Variants in SLC17A3 observed in about 807,000 individuals in gnomAD.
SLC17A3 encodes solute carrier family 17 member 3.
In SLC17A3, 61 loss-of-function variants were observed where a neutral mutation model predicts 60.3. The observed-to-expected ratio is 1.01, with a 90% CI of 0.82 to 1.25. SLC17A3 has a LOEUF of 1.25. Ranked by LOEUF, SLC17A3 falls within the 50% of genes most tolerant of loss-of-function variation. The probability of loss-of-function intolerance (pLI) is 0.00; values close to 1 mark genes in which losing one functional copy is unlikely to be tolerated. For synonymous variants in SLC17A3, 192 were observed against 208.9 expected (o/e 0.92, Z 0.70); for missense variants, 624 against 594.9 (o/e 1.05, Z -0.51).
chr6:25,867,118 C>CA (rs1765548971), intron 2 of SLC17A3, among the ~76,000 whole-genome samples: 2 of 151,964 alleles, frequency 1.3e-5, no homozygotes, highest in South Asian at 4.1e-4. Flanking sequence ...AAACACTTTG[C>CA]AATCCTTGAT....
In SLC17A3 at chr6:25,850,433, A is replaced by G. The variant is rs749074052; in HGVS notation, c.993+26T>C. On this transcript the variant is annotated intron_variant, in intron 8 of 12. Transcript: ENST00000397060. ...AATTGGTCAGCCATGCAAGCAGGAGAAAGGAAGGGAAGGAAACATACTCAC... is the reference window on the plus strand; with the variant it reads ...AATTGGTCAGCCATGCAAGCAGGAGGAAGGAAGGGAAGGAAACATACTCAC... The G allele has an allele frequency of 3.7e-6, 6 of 1,611,098 alleles. 1 individual carries two copies. The South Asian group carries it at 6.6e-5, about 18-fold the overall frequency.
At chr6:25,851,767 G>A (rs1422133648) in intron 6 of SLC17A3, among the ~76,000 whole-genome samples, 1 of 152,018 alleles carries the variant, frequency 6.6e-6, no homozygotes, top group African/African-American at 2.4e-5. Flanking sequence ...CAATGTTTAT[G>A]TCAATACCAC....
At chr6:25,865,992 C>G (rs1765528032) in intron 2 of SLC17A3, among the ~76,000 whole-genome samples, 1 of 151,940 alleles carries the variant, frequency 6.6e-6, no homozygotes. Context: ...ATCCAGAAAG[C>G]TTATTTCTTA....
chr6:25,868,239 G>A (rs941738785), intron 2 of SLC17A3, 58 bp downstream of exon 2: 75 of 1,209,606 alleles, frequency 6.2e-5, no homozygotes, highest in Non-Finnish European at 8.7e-5. Flanking sequence ...ATAGTAATAC[G>A]TTGACAAAAA....
At chr6:25,868,670 T>C (rs1765580216) in intron 1 of SLC17A3, among the ~76,000 whole-genome samples, 1 of 151,934 alleles carries the variant, frequency 6.6e-6, no homozygotes, top group South Asian at 2.1e-4. Flanking sequence ...GAGTTAAGCA[T>C]TCCCAAGTTC....
chr6:25,852,964 T>G (rs966794392), intron 6 of SLC17A3, among the ~76,000 whole-genome samples: 1 of 152,208 alleles, frequency 6.6e-6, no homozygotes, highest in South Asian at 2.1e-4. Flanking sequence ...TATGATTAAA[T>G]TATGTGGAAA....
At chr6:25,846,756 A>G (rs1765181127) in intron 11 of SLC17A3, among the ~76,000 whole-genome samples, 1 of 151,980 alleles carries the variant, frequency 6.6e-6, no homozygotes, top group Non-Finnish European at 1.5e-5. Context: ...GACTACAGGT[A>G]TGCACCACCA....
intron 2 of SLC17A3, among the ~76,000 whole-genome samples, 176 bp from the exon 3 acceptor site, chr6:25,862,620 A>C (rs2151525145): frequency 6.6e-6 from 1 of 152,066 alleles, no homozygotes; most frequent in Non-Finnish European, 1.5e-5. Flanking sequence ...GTTGAGCTAA[A>C]GGACGTTTTA....
rs1421569252 is a variant in SLC17A3, at chr6:25,850,845, A to G, written c.745T>C (p.Phe249Leu). ...ACGGGGTCATCATAAATCACAACAA[A>G]CCAGAGAAGGCAGCAGACACAGCCA... is the stretch of plus-strand genomic sequence containing the variant. ...GVGCVCCLLW[F>L]VVIYDDPVSY... The change falls in exon 7 of 13, where the codon TTT becomes CTT. Residue 249 changes from phenylalanine to leucine, a missense_variant. By Grantham distance (22) the Phe-to-Leu change is conservative. Transcript: ENST00000397060. 1 of 1,613,990 alleles carries G rather than the reference A, an allele frequency of 6.2e-7. No homozygotes were observed. The highest frequency in any genetic ancestry group is 1.3e-5 in the African/African-American group (1 of 74,940).
At chr6:25,872,075 C>T (rs780694859) in intron 1 of SLC17A3, among the ~76,000 whole-genome samples, 3 of 151,806 alleles carry the variant, frequency 2.0e-5, no homozygotes, top group South Asian at 2.1e-4. Context: ...TTGAACATAG[C>T]CATTATCCAT....
At chr6:25,849,190 T>C (rs1765227869) in intron 11 of SLC17A3, among the ~76,000 whole-genome samples, 184 bp downstream of exon 11, 1 of 152,216 alleles carries the variant, frequency 6.6e-6, no homozygotes, top group Admixed American at 6.5e-5. Context: ...AGTTCTTTGC[T>C]TGAGAATGAA....
intron 5 of SLC17A3, among the ~76,000 whole-genome samples, chr6:25,859,230 C>T (rs959598360): frequency 2.0e-5 from 3 of 151,990 alleles, no homozygotes; most frequent in Non-Finnish European, 4.4e-5. Flanking sequence ...ATATGAAGAC[C>T]AAGAGACAAA....
In SLC17A3 at chr6:25,845,182, T is replaced by C. The variant is rs1313266841; in HGVS notation, c.*119A>G. On this transcript the variant is annotated 3_prime_UTR_variant, in exon 13 of 13. Transcript: ENST00000397060. ...GTCTGAATAAAATAATGAACTGATC[T>C]CATAATTGAAAAGAGCCACAGGAAA... 1.8e-6 allele frequency: 1 copy of C among 553,992 alleles called. No homozygotes were observed. Among genetic ancestry groups the C allele is most frequent in the Non-Finnish European group, 3.2e-6 (1 of 316,994 alleles). 34.3% of individuals were successfully genotyped at this position (553,992 alleles called of 1,614,324 possible).
At chr6:25,861,593 T>C in intron 5 of SLC17A3, 31 bp downstream of exon 5, 4 of 1,564,616 alleles carry the variant, frequency 2.6e-6, no homozygotes, top group Non-Finnish European at 3.5e-6. Flanking sequence ...TGTTGGATTG[T>C]AGTGTACCCA....
At position 25,862,001 on chromosome 6, in the gene SLC17A3, A is replaced by G; in HGVS notation, c.332T>C (p.Ile111Thr). The change falls in exon 4 of 13, where the codon ATC becomes ACC. Residue 111 changes from isoleucine to threonine, a missense_variant. Physicochemically the swap from Ile to Thr is moderately conservative, Grantham distance 89. Coordinates refer to ENST00000397060, the MANE Select transcript of SLC17A3 (RefSeq NM_001098486.2). ...KAPVYDWSPQ[I>T]QGIIFGAVGY... ...AACAGCACCAAAGATGATGCCTTGG[A>G]TTTGAGGAGACCAGTCATACACAGG... 1 of 1,609,132 alleles carries G rather than the reference A, an allele frequency of 6.2e-7. No individual in the cohort carries two copies. The highest frequency in any genetic ancestry group is 8.5e-7 in the Non-Finnish European group (1 of 1,177,774).
chr6:25,853,405 TG>T (rs1399474527), intron 6 of SLC17A3, among the ~76,000 whole-genome samples: 115 of 122,480 alleles, frequency 9.4e-4, no homozygotes, highest in South Asian at 1.5e-3. Context: ...AATTTCTGCA[TG>T]TTTTTTTTTT....
At chr6:25,864,134 C>T (rs1165161) in intron 2 of SLC17A3, among the ~76,000 whole-genome samples, 36,913 of 151,702 alleles carry the variant, frequency 0.24, 4,681 homozygotes, top group African/African-American at 0.3. Context: ...GGTTGGAGAG[C>T]GCCTGGTATG....
chr6:25,870,688 A>G (rs1219491664), intron 1 of SLC17A3, among the ~76,000 whole-genome samples: 4 of 152,010 alleles, frequency 2.6e-5, no homozygotes, highest in Non-Finnish European at 5.9e-5. Context: ...AGAAGTGCTT[A>G]GTGAGAACCT....
chr6:25,847,018 C>T (rs1041496561), intron 11 of SLC17A3, among the ~76,000 whole-genome samples: 2 of 152,008 alleles, frequency 1.3e-5, no homozygotes, highest in Admixed American at 6.5e-5. Flanking sequence ...TATTTCATCA[C>T]CCAGGTACTA....
Sources: gnomAD v4.1 joint callset for allele counts (sites outside exome capture counted in the v4.1 genomes callset) on GRCh38, gnomAD v4.1.1 for gene constraint, MANE v1.5 for transcripts, NCBI Gene and HGNC (gene_info 2026-07-23, HGNC 2026-07-21) for gene names.